Variants in PDE4D observed in about 807,000 individuals in gnomAD.
PDE4D encodes the protein 3',5'-cyclic-AMP phosphodiesterase 4D.
In PDE4D, 24 loss-of-function variants were observed where a neutral mutation model predicts 87.4. That is an observed-to-expected ratio of 0.27 (90% CI 0.20 to 0.39). The LOEUF (loss-of-function observed/expected upper bound fraction) is 0.39. Ranked by LOEUF, PDE4D falls within the 10% of genes least tolerant of loss-of-function variation. PDE4D has a pLI of 1.00. For synonymous variants in PDE4D, 384 were observed against 383.2 expected (o/e 1.00, Z -0.02); for missense variants, 714 against 1,041.0 (o/e 0.69, Z 4.32).
At chr5:59,730,689 C>T (rs1757248920) in intron 1 of PDE4D, among the ~76,000 whole-genome samples, 1 of 152,050 alleles carries the variant, frequency 6.6e-6, no homozygotes, top group South Asian at 2.1e-4. Context: ...GGTTTAATTT[C>T]AACACTCCTT....
At chr5:59,953,830 A>C (rs1326055687) in intron 3 of PDE4D, among the ~76,000 whole-genome samples, 1 of 152,254 alleles carries the variant, frequency 6.6e-6, no homozygotes, top group East Asian at 1.9e-4. Flanking sequence ...ACTAGTAAAA[A>C]GACTTAGTAA....
At chr5:59,080,927 T>C (rs1234200859) in intron 5 of PDE4D, among the ~76,000 whole-genome samples, 1 of 152,212 alleles carries the variant, frequency 6.6e-6, no homozygotes, top group East Asian at 1.9e-4. Flanking sequence ...AATCATGGCC[T>C]GATTATCAGC....
rs929945339 is a variant in PDE4D, at chr5:59,580,336, C to A, written c.455+312832G>T. Among the ~76,000 whole-genome samples, 3 of 152,102 alleles carry A rather than the reference C, an allele frequency of 2.0e-5. No homozygotes were observed. The East Asian group carries it at 5.8e-4, about 29-fold the overall frequency. On this transcript the variant is annotated intron_variant, in intron 1 of 14. Coordinates refer to ENST00000340635, the MANE Select transcript of PDE4D (RefSeq NM_001104631.2). Reference sequence around the variant, plus strand: ...AAGAAATTCTCAGAAAGTTATATTGCCATTAAAGGATGTAACTTATGTGAA... The same window carrying A: ...AAGAAATTCTCAGAAAGTTATATTGACATTAAAGGATGTAACTTATGTGAA...
At chr5:59,275,287 CG>C in intron 1 of PDE4D, 1 of 1,404,902 alleles carries the variant, frequency 7.1e-7, no homozygotes, top group Non-Finnish European at 9.9e-7. Flanking sequence ...TCAAGGAGTA[CG>C]TCAATCTTAA....
intron 6 of PDE4D, among the ~76,000 whole-genome samples, chr5:59,015,992 CT>C (rs1753878168): frequency 6.6e-6 from 1 of 152,088 alleles, no homozygotes; most frequent in Non-Finnish European, 1.5e-5. Flanking sequence ...ATGGATGAAA[CT>C]GGAAGCCATC....
chr5:59,981,599 G>A (rs2152825566), intron 3 of PDE4D, among the ~76,000 whole-genome samples: 1 of 152,168 alleles, frequency 6.6e-6, no homozygotes, highest in Non-Finnish European at 1.5e-5. Context: ...TCAATTTTGG[G>A]AAGCTTTGCC....
intron 1 of PDE4D, among the ~76,000 whole-genome samples, chr5:59,867,213 A>T (rs1342850608): frequency 4.6e-5 from 7 of 151,928 alleles, no homozygotes; most frequent in Non-Finnish European, 1.0e-4. Flanking sequence ...ATCCCAGAGA[A>T]GAAGATCTTC....
chr5:59,522,897 A>C (rs774620151), intron 1 of PDE4D, among the ~76,000 whole-genome samples: 1 of 152,220 alleles, frequency 6.6e-6, no homozygotes, highest in South Asian at 2.1e-4. Context: ...AGTTGTATAC[A>C]CCATTTAGAA....
Position 60,433,993 on chromosome 5 carries a change from G to A in PDE4D, c.-90+53949C>T, listed in dbSNP as rs182477321. On this transcript the variant is annotated intron_variant, in intron 1 of 16. Transcript: ENST00000502484. ...GTACTATGCTCATTACCTGGGTGACGAAATAATATGTACACCAAACCCCCA... is the reference window on the plus strand; with the variant it reads ...GTACTATGCTCATTACCTGGGTGACAAAATAATATGTACACCAAACCCCCA... Among the ~76,000 whole-genome samples, 196 of 152,058 alleles carry A rather than the reference G, an allele frequency of 1.3e-3. 1 individual carries two copies. The highest frequency in any genetic ancestry group is 3.4e-3 in the Middle Eastern group (1 of 294).
intron 2 of PDE4D, among the ~76,000 whole-genome samples, chr5:60,178,989 T>A (rs548360014): frequency 6.6e-6 from 1 of 152,218 alleles, no homozygotes; most frequent in African/African-American, 2.4e-5. Context: ...AAATTCAGGA[T>A]GTTGAGGGCT....
intron 1 of PDE4D, among the ~76,000 whole-genome samples, chr5:59,308,331 T>C (rs1358670002): frequency 2.0e-5 from 3 of 151,434 alleles, no homozygotes; most frequent in Admixed American, 6.6e-5. Context: ...ATAATAATAA[T>C]AATTTAAAAA....
chr5:59,992,877 A>G (rs1043198790), intron 2 of PDE4D, among the ~76,000 whole-genome samples: 2 of 152,162 alleles, frequency 1.3e-5, no homozygotes, highest in Middle Eastern at 3.2e-3. Flanking sequence ...ACAGTATAAG[A>G]GGCTTTTTTC....
intron 1 of PDE4D, among the ~76,000 whole-genome samples, chr5:59,530,942 G>T (rs1814103514): frequency 6.6e-6 from 1 of 152,164 alleles, no homozygotes. Flanking sequence ...ATCCTCAATT[G>T]TTTGCCTTAG....
intron 3 of PDE4D, among the ~76,000 whole-genome samples, chr5:59,905,981 T>C (rs1194969989): frequency 6.6e-6 from 1 of 152,190 alleles, no homozygotes; most frequent in Non-Finnish European, 1.5e-5. Context: ...TTTCTACTTT[T>C]ATTTCTATTC....
chr5:59,189,272 G>T (rs1743764476), intron 3 of PDE4D, among the ~76,000 whole-genome samples: 1 of 94,966 alleles, frequency 1.1e-5, no homozygotes. Context: ...TTTTTGAGAC[G>T]GAGTTTTGCT....
intron 1 of PDE4D, among the ~76,000 whole-genome samples, chr5:59,616,895 G>T (rs1829734727): frequency 1.1e-5 from 1 of 88,688 alleles, no homozygotes; most frequent in African/African-American, 3.7e-5. Context: ...TTAACTTTGT[G>T]TATTACTTAG....
intron 1 of PDE4D, among the ~76,000 whole-genome samples, chr5:60,195,316 C>A (rs1741084565): frequency 6.6e-6 from 1 of 151,640 alleles, no homozygotes; most frequent in African/African-American, 2.4e-5. Flanking sequence ...ACGTCACTGC[C>A]AACCTTGCCC....
chr5:58,995,104 A>T (rs1748912438), intron 6 of PDE4D, among the ~76,000 whole-genome samples: 1 of 152,170 alleles, frequency 6.6e-6, no homozygotes, highest in Non-Finnish European at 1.5e-5. Context: ...CTGGTTGTTA[A>T]ATTACTGGTC....
chr5:59,485,873 T>G (rs903113746), intron 1 of PDE4D, among the ~76,000 whole-genome samples: 5 of 152,144 alleles, frequency 3.3e-5, no homozygotes, highest in Middle Eastern at 3.2e-3. Flanking sequence ...TAACTTACTA[T>G]GCCAGCTGCT....
Sources: gnomAD v4.1 joint callset for allele counts (sites outside exome capture counted in the v4.1 genomes callset) on GRCh38, gnomAD v4.1.1 for gene constraint, MANE v1.5 for transcripts, NCBI Gene and HGNC (gene_info 2026-07-23, HGNC 2026-07-21) for gene names.